RBFOX3: variants seen among roughly 807,000 people sequenced by gnomAD.
The protein encoded by RBFOX3 is RNA binding protein fox-1 homolog 3.
Under a neutral mutation model 48.7 loss-of-function variants are expected in RBFOX3, and 17 were observed. The ratio of observed to expected loss-of-function variants is 0.35; its 90% CI spans 0.24 to 0.52. The LOEUF is 0.52. RBFOX3 is among the 20% of genes least tolerant of loss of function. RBFOX3 has a pLI of 0.94. For missense variants in RBFOX3, 382 were observed against 497.5 expected, an observed-to-expected ratio of 0.77 and a Z score of 2.21; for synonymous variants, 212 against 209.5, an observed-to-expected ratio of 1.01 and a Z score of -0.10.
chr17:79,663,724 A>C, the RBFOX3 span, among the ~76,000 whole-genome samples: 2 of 151,104 alleles, frequency 1.3e-5, no homozygotes, highest in South Asian at 4.2e-4. Flanking sequence ...GTTGCTGTGC[A>C]TGGACACAGT....
At chr17:79,295,928 A>T (rs2074262435) in intron 3 of RBFOX3, among the ~76,000 whole-genome samples, 1 of 152,024 alleles carries the variant, frequency 6.6e-6, no homozygotes, top group Admixed American at 6.5e-5. Context: ...TACTTAATTG[A>T]TGAGACTTAA....
chr17:79,517,719 C>T lies in RBFOX3; in HGVS notation c.-319-35121G>A, dbSNP rs1696918515. ...AAGAGGGAAGGCCAGGGAAAAACCCCACGGTCATTAAATAGATTGTGTTGG... is the reference window on the plus strand; with the variant it reads ...AAGAGGGAAGGCCAGGGAAAAACCCTACGGTCATTAAATAGATTGTGTTGG... On this transcript the variant is annotated intron_variant, in intron 1 of 14. Coordinates refer to ENST00000693108, the MANE Select transcript of RBFOX3 (RefSeq NM_001350451.2). Among the ~76,000 whole-genome samples, 4 of 152,264 alleles carry T rather than the reference C, an allele frequency of 2.6e-5. No homozygotes were observed. In the South Asian group the frequency reaches 8.3e-4, roughly 32 times the overall value.
intron 4 of RBFOX3, among the ~76,000 whole-genome samples, chr17:79,171,940 G>C (rs1213613262): frequency 6.6e-6 from 1 of 152,146 alleles, no homozygotes; most frequent in African/African-American, 2.4e-5. Flanking sequence ...AGGTGGCCAA[G>C]GCAGGTGGAT....
rs2076772734 is a variant in RBFOX3, at chr17:79,310,973, G to A, written c.-174-3149C>T. Among the ~76,000 whole-genome samples, 3 of 152,216 alleles carry A rather than the reference G, an allele frequency of 2.0e-5. 1 individual carries two copies. On this transcript the variant is annotated intron_variant, in intron 2 of 14. Coordinates refer to ENST00000693108, the MANE Select transcript of RBFOX3 (RefSeq NM_001350451.2). ...CCTAGGTGTTGCTGGGGTGGTACTT[G>A]GTAAGTGTGGCTAATGCCTAAAATG...
intron 4 of RBFOX3, among the ~76,000 whole-genome samples, chr17:79,229,558 C>CA (rs11435725): frequency 0.42 from 21,191 of 50,454 alleles, 4,948 homozygotes; most frequent in Non-Finnish European, 0.51. Flanking sequence ...GACTCCATCT[C>CA]AAAAAAAAAA....
intron 2 of RBFOX3, among the ~76,000 whole-genome samples, chr17:79,446,441 G>A (rs1354860433): frequency 7.2e-5 from 11 of 152,164 alleles, no homozygotes; most frequent in African/African-American, 2.7e-4. Context: ...TGAGGCAGGA[G>A]GTGGAACTTG....
intron 4 of RBFOX3, among the ~76,000 whole-genome samples, chr17:79,119,772 G>A (rs961453219): frequency 1.6e-4 from 25 of 152,318 alleles, no homozygotes; most frequent in South Asian, 1.2e-3. Flanking sequence ...CTCCACAGCT[G>A]TGCTGGTGTG....
intron 2 of RBFOX3, among the ~76,000 whole-genome samples, chr17:79,348,970 G>A (rs189322834): frequency 2.0e-5 from 3 of 151,818 alleles, no homozygotes; most frequent in Admixed American, 6.5e-5. Context: ...TCCTTCATGT[G>A]GGTAAACAAT....
Position 79,362,343 on chromosome 17 carries a change from C to T in RBFOX3, c.-174-54519G>A, listed in dbSNP as rs1433012149. Among the ~76,000 whole-genome samples, 2 of 152,302 alleles carry T rather than the reference C, an allele frequency of 1.3e-5. No homozygotes were observed. Among genetic ancestry groups the T allele is most frequent in the Admixed American group, 1.3e-4 (2 of 15,304 alleles). On this transcript the variant is annotated intron_variant, in intron 2 of 14. Coordinates refer to ENST00000693108, the MANE Select transcript of RBFOX3 (RefSeq NM_001350451.2). This position sits in a 1 kb window ranked among gnomAD's most constrained non-coding sequence, Gnocchi z 4.2. The stretch of plus-strand genomic sequence containing the variant: ...GGGCTTGGCTGAGATCCCCGGCCAG[C>T]GTCTGCGTAGGACGGTGGGAGAGGC...
chr17:79,197,127 G>A (rs2055759190), intron 4 of RBFOX3, among the ~76,000 whole-genome samples: 1 of 150,600 alleles, frequency 6.6e-6, no homozygotes, highest in Admixed American at 6.6e-5. Context: ...GGGTAAAATG[G>A]AAGGAGGTGC....
intron 1 of RBFOX3, among the ~76,000 whole-genome samples, chr17:79,503,895 C>T (rs1033637519): frequency 4.2e-4 from 64 of 152,312 alleles, no homozygotes; most frequent in African/African-American, 1.2e-3. Context: ...TGGACCAGGA[C>T]GGGGATGCAA....
intron 1 of RBFOX3, among the ~76,000 whole-genome samples, chr17:79,546,903 C>G (rs1220985776): frequency 1.3e-5 from 2 of 151,830 alleles, no homozygotes; most frequent in African/African-American, 4.8e-5. Flanking sequence ...CTCCCAACTT[C>G]AGGTGATCCA....
At chr17:79,147,245 G>C (rs979076301) in intron 4 of RBFOX3, among the ~76,000 whole-genome samples, 1 of 152,244 alleles carries the variant, frequency 6.6e-6, no homozygotes, top group African/African-American at 2.4e-5. Flanking sequence ...TGGCCTTCTG[G>C]AGGAGGCAGG....
At position 79,336,394 on chromosome 17, in the gene RBFOX3, AAAT is replaced by A. The variant is rs1436851020; in HGVS notation, c.-174-28573_-174-28571del. Among the ~76,000 whole-genome samples, 13 of 3,900 alleles carry A rather than the reference AAAT, an allele frequency of 3.3e-3. No homozygotes were observed. The Middle Eastern group carries it at 0.15, about 45-fold the overall frequency. The allele number at this position is 3,900 out of a possible 152,430, so 2.6% of individuals were successfully genotyped here. On this transcript the variant is annotated intron_variant, in intron 2 of 14. Coordinates refer to ENST00000693108, the MANE Select transcript of RBFOX3 (RefSeq NM_001350451.2). ...AGAGTGAGATTTCATCTCAAAAAAT[AAAT>A]AAATAAATAAATAAATAAATAAAAT...
At chr17:79,383,639 C>T (rs1437031624) in intron 2 of RBFOX3, among the ~76,000 whole-genome samples, 1 of 152,126 alleles carries the variant, frequency 6.6e-6, no homozygotes, top group African/African-American at 2.4e-5. Flanking sequence ...TGAGGGGTTC[C>T]TAGGGACTTT....
chr17:79,508,936 C>T (rs1300879307), intron 1 of RBFOX3: 1 of 152,416 alleles, frequency 6.6e-6, no homozygotes, highest in Non-Finnish European at 1.5e-5. Context: ...AGCCTCAGAC[C>T]ACACCCCCAG....
At chr17:79,627,537 T>G in the RBFOX3 span, among the ~76,000 whole-genome samples, 1 of 152,048 alleles carries the variant, frequency 6.6e-6, no homozygotes. Flanking sequence ...AGACCTGTGA[T>G]TCTATGTGAA....
At chr17:79,659,052 G>A in the RBFOX3 span, among the ~76,000 whole-genome samples, 1 of 152,114 alleles carries the variant, frequency 6.6e-6, no homozygotes, top group African/African-American at 2.4e-5. Flanking sequence ...GTCACACCAA[G>A]ACCCAGGCTC....
chr17:79,536,433 A>G (rs1030731578), intron 1 of RBFOX3, among the ~76,000 whole-genome samples: 8 of 152,202 alleles, frequency 5.3e-5, no homozygotes, highest in Non-Finnish European at 7.4e-5. Flanking sequence ...AGGCCTGGTT[A>G]TGTGTGTTCC....
Sources: gnomAD v4.1 joint callset for allele counts (sites outside exome capture counted in the v4.1 genomes callset) on GRCh38, gnomAD v4.1.1 for gene constraint, Gnocchi (gnomAD v3.1) non-coding constraint, MANE v1.5 for transcripts, NCBI Gene and HGNC (gene_info 2026-07-23, HGNC 2026-07-21) for gene names.